NEXN: variants seen among roughly 807,000 people sequenced by gnomAD.
NEXN encodes the protein nexilin.
Under a neutral mutation model 92.6 loss-of-function variants are expected in NEXN, and 65 were observed. That is an observed-to-expected ratio of 0.70 (90% CI 0.57 to 0.86). The LOEUF is 0.86. NEXN is among the 40% of genes least tolerant of loss of function. The probability of loss-of-function intolerance (pLI) is 0.00; values close to 1 mark genes in which losing one functional copy is unlikely to be tolerated. For missense variants in NEXN, 778 were observed against 771.1 expected (o/e 1.01, Z -0.11); for synonymous variants, 254 against 242.5 (o/e 1.05, Z -0.44).
At chr1:77,895,495 G>T (rs2102032971) in intron 1 of NEXN, among the ~76,000 whole-genome samples, 1 of 152,252 alleles carries the variant, frequency 6.6e-6, no homozygotes, top group Non-Finnish European at 1.5e-5. Flanking sequence ...CAATTTTGTT[G>T]CTTGTTCCAA....
intron 1 of NEXN, among the ~76,000 whole-genome samples, chr1:77,908,873 A>C (rs1648353246): frequency 1.3e-5 from 2 of 152,194 alleles, no homozygotes; most frequent in African/African-American, 4.8e-5. Context: ...ATCCTAACTA[A>C]GCAGTTAACA....
chr1:77,897,857 A>G (rs1647358451), intron 1 of NEXN, among the ~76,000 whole-genome samples: 3 of 151,808 alleles, frequency 2.0e-5, no homozygotes, highest in Admixed American at 6.6e-5. Flanking sequence ...GCATTCTTAT[A>G]CACCAATAAC....
chr1:77,925,043 A>T (rs1649737652), intron 5 of NEXN, 145 bp from the exon 6 acceptor site: 2 of 610,374 alleles, frequency 3.3e-6, no homozygotes, highest in Non-Finnish European at 5.9e-6. Context: ...ATATTTGGCT[A>T]ATTTGGAACA....
chr1:77,901,793 G>A (rs375658314), intron 1 of NEXN, among the ~76,000 whole-genome samples: 9 of 152,108 alleles, frequency 5.9e-5, no homozygotes, highest in African/African-American at 2.2e-4. Context: ...ATTTAGAGAT[G>A]GTGTCTCACT....
chr1:77,912,422 T>A (rs1648661757), intron 1 of NEXN, among the ~76,000 whole-genome samples: 10 of 152,172 alleles, frequency 6.6e-5, no homozygotes. Context: ...TCCCAGCATA[T>A]TATTTTGTGG....
At chr1:77,888,918 T>G (rs1418749047) in intron 1 of NEXN, 159 bp downstream of exon 1, 1 of 152,468 alleles carries the variant, frequency 6.6e-6, no homozygotes, top group African/African-American at 2.4e-5. Flanking sequence ...CCGGGCGCCA[T>G]ACAGCTGTGG....
chr1:77,921,912 G>A (rs1571123067), intron 5 of NEXN, among the ~76,000 whole-genome samples: 1 of 151,912 alleles, frequency 6.6e-6, no homozygotes, highest in Admixed American at 6.6e-5. Context: ...AGACCCTGCT[G>A]TCTCTACAAA....
chr1:77,900,108 C>T (rs941219184), intron 1 of NEXN, among the ~76,000 whole-genome samples: 2 of 152,138 alleles, frequency 1.3e-5, no homozygotes, highest in African/African-American at 4.8e-5. Flanking sequence ...TCATTCTAGT[C>T]TGTGCCCAGC....
Position 77,929,466 on chromosome 1 carries a change from G to A in NEXN, c.1015G>A (p.Glu339Lys). The A allele has an allele frequency of 1.9e-6, 3 of 1,612,932 alleles. No individual in the cohort carries two copies. The highest frequency in any genetic ancestry group is 1.1e-5 in the South Asian group (1 of 91,038). Residue 339 changes from glutamate to lysine, a missense_variant, in exon 9 of 13, where the codon GAA becomes AAA. Glu to Lys is a moderately conservative substitution (Grantham distance 56). Transcript: ENST00000334785. Reference sequence around the variant, plus strand: ...AGAAGAAGCCAGAAGGAGAATAGAGGAAGAAAAGAAGGCGTTTGCTGAAGC... The same window carrying A: ...AGAAGAAGCCAGAAGGAGAATAGAGAAAGAAAAGAAGGCGTTTGCTGAAGC... ...AEEEARRRIE[E>K]EKKAFAEARR...
chr1:77,891,014 G>C (rs892079776), intron 1 of NEXN, among the ~76,000 whole-genome samples: 3 of 152,064 alleles, frequency 2.0e-5, no homozygotes, highest in Non-Finnish European at 4.4e-5. Context: ...CATATCACCT[G>C]TGTAGTTTCT....
intron 11 of NEXN, among the ~76,000 whole-genome samples, chr1:77,939,406 A>G (rs748024959): frequency 1.3e-5 from 2 of 152,236 alleles, no homozygotes; most frequent in East Asian, 1.9e-4. Flanking sequence ...TATAAAGTTA[A>G]TTGTTGAAAG....
chr1:77,933,472 T>C lies in NEXN; in HGVS notation c.1244T>C (p.Met415Thr), dbSNP rs1172366391. The change falls in exon 10 of 13, where the codon ATG (methionine) becomes ACG (threonine). Residue 415 changes from methionine to threonine, a missense_variant. By Grantham distance (81) the Met-to-Thr change is moderately conservative (BLOSUM62 -1). Transcript: ENST00000334785. ...KQEFEQLRQE[M>T]GEEEEENETF... ...GAATTTGAACAACTGAGACAGGAAATGGGAGAGGTAAGATTTTAAGAAATA... is the reference window on the plus strand; with the variant it reads ...GAATTTGAACAACTGAGACAGGAAACGGGAGAGGTAAGATTTTAAGAAATA... The C allele has an allele frequency of 9.4e-6, 15 of 1,603,904 alleles. No homozygotes were observed. Among genetic ancestry groups the C allele is most frequent in the Non-Finnish European group, 1.3e-5 (15 of 1,171,242 alleles).
chr1:77,889,095 G>C (rs902912968), intron 1 of NEXN: 2 of 152,868 alleles, frequency 1.3e-5, no homozygotes, highest in African/African-American at 4.8e-5. Flanking sequence ...GCTGAGTTTC[G>C]GGTGCGTTCC....
At chr1:77,910,761 A>AAAAC (rs1553235530) in intron 1 of NEXN, among the ~76,000 whole-genome samples, 40 of 125,106 alleles carry the variant, frequency 3.2e-4, no homozygotes, top group Middle Eastern at 3.7e-3. Flanking sequence ...AAAAAAAAAA[A>AAAAC]AAAAAAAAAA....
chr1:77,924,769 C>T (rs1363746831), intron 5 of NEXN, among the ~76,000 whole-genome samples: 1 of 152,040 alleles, frequency 6.6e-6, no homozygotes, highest in African/African-American at 2.4e-5. Context: ...AAGTGATCCT[C>T]CTGCCTCAGC....
At chr1:77,908,392 C>CTTT (rs1188059954) in intron 1 of NEXN, among the ~76,000 whole-genome samples, 2 of 97,636 alleles carry the variant, frequency 2.0e-5, no homozygotes, top group African/African-American at 3.8e-5. Context: ...TCCCCTACCT[C>CTTT]TATTTTTTTT....
rs1649750280 is a variant in NEXN at position 77,925,184 on chromosome 1, A to G, written c.448-4A>G. ...TGTAATGATATGAAATTCTCATTCA[A>G]TAGATTGAGGACATAAACAATACGG... On this transcript the variant is annotated splice_region_variant and splice_polypyrimidine_tract_variant and intron_variant, in intron 5 of 12. Transcript: ENST00000334785. 1.9e-6 allele frequency: 3 copies of G among 1,586,990 alleles called. No individual in the cohort carries two copies. The highest frequency in any genetic ancestry group is 2.6e-6 in the Non-Finnish European group (3 of 1,158,212).
intron 1 of NEXN, among the ~76,000 whole-genome samples, chr1:77,905,165 G>A (rs1178904735): frequency 6.6e-6 from 1 of 152,130 alleles, no homozygotes. Context: ...AGGATGCTGA[G>A]GCAGGAGAAT....
At chr1:77,919,597 T>C (rs1649256372) in intron 5 of NEXN, among the ~76,000 whole-genome samples, 1 of 151,570 alleles carries the variant, frequency 6.6e-6, no homozygotes, top group Non-Finnish European at 1.5e-5. Context: ...TTTTTTTTTT[T>C]TTTGAGACGG....
Sources: gnomAD v4.1 joint callset for allele counts (sites outside exome capture counted in the v4.1 genomes callset) on GRCh38, gnomAD v4.1.1 for gene constraint, MANE v1.5 for transcripts, NCBI Gene and HGNC (gene_info 2026-07-23, HGNC 2026-07-21) for gene names.